Variants in DAB2IP observed in about 807,000 individuals in gnomAD.
DAB2IP encodes the protein DAB2 interacting protein.
In DAB2IP, 28 loss-of-function variants were observed where a neutral mutation model predicts 107.2. The ratio of observed to expected loss-of-function variants is 0.26; its 90% confidence interval spans 0.19 to 0.36. The LOEUF (loss-of-function observed/expected upper bound fraction) is 0.36, where lower values mean the gene tolerates loss of function less well. DAB2IP is among the 10% of genes least tolerant of loss of function. DAB2IP has a pLI of 1.00. For missense variants in DAB2IP, 1,400 were observed against 1,644.7 expected, an observed-to-expected ratio of 0.85 and a Z score of 2.57; for synonymous variants, 755 against 706.4, an observed-to-expected ratio of 1.07 and a Z score of -1.09.
At chr9:121,577,476 G>T (rs1830090778) in intron 1 of DAB2IP, among the ~76,000 whole-genome samples, 1 of 152,236 alleles carries the variant, frequency 6.6e-6, no homozygotes, top group Admixed American at 6.5e-5. Context: ...GTGGGCCTCT[G>T]TCTCGGCAGG....
intron 2 of DAB2IP, among the ~76,000 whole-genome samples, chr9:121,688,057 G>A (rs766437663): frequency 1.3e-5 from 2 of 152,070 alleles, no homozygotes; most frequent in African/African-American, 2.4e-5. Flanking sequence ...GACACCCCTG[G>A]GATAGGAGAG....
intron 1 of DAB2IP, among the ~76,000 whole-genome samples, chr9:121,596,003 A>G (rs1394172448): frequency 1.3e-5 from 2 of 152,068 alleles, no homozygotes; most frequent in African/African-American, 4.8e-5. Context: ...CCTGGCCAAC[A>G]TAGAGAGACC....
chr9:121,725,977 AC>A (rs1468074404), intron 3 of DAB2IP, among the ~76,000 whole-genome samples: 8 of 152,150 alleles, frequency 5.3e-5, no homozygotes, highest in African/African-American at 1.9e-4. Flanking sequence ...GGAAATATAT[AC>A]AGTATTTGGT....
chr9:121,615,918 G>A (rs1380846267), intron 1 of DAB2IP, among the ~76,000 whole-genome samples: 2 of 152,142 alleles, frequency 1.3e-5, no homozygotes, highest in Non-Finnish European at 2.9e-5. Context: ...GAGCCACTGT[G>A]CCCGGCCTCA....
chr9:121,633,223 A>G lies in DAB2IP; in HGVS notation c.41-45455A>G, dbSNP rs771507367. Among the ~76,000 whole-genome samples, 26 of 152,202 alleles carry G rather than the reference A, an allele frequency of 1.7e-4. No homozygotes were observed. Among genetic ancestry groups the G allele is most frequent in the Non-Finnish European group, 3.5e-4 (24 of 68,038 alleles). On this transcript the variant is annotated intron_variant, in intron 1 of 16. Transcript: ENST00000259371. The surrounding 1 kb of genome is among the most constrained non-coding windows in gnomAD (Gnocchi z 5.1). ...CGGGAAGGTTTGACATGAACAATAC[A>G]ATAAACGCAGCTTCTAAATTGGGTC... is the stretch of plus-strand genomic sequence containing the variant.
intron 1 of DAB2IP, among the ~76,000 whole-genome samples, chr9:121,666,509 C>T (rs1833434056): frequency 6.6e-6 from 1 of 151,934 alleles, no homozygotes; most frequent in Non-Finnish European, 1.5e-5. Context: ...TGTTCTCAAT[C>T]ATAAGTGAGA....
At chr9:121,756,056 C>T (rs1833454394) in intron 3 of DAB2IP, among the ~76,000 whole-genome samples, 1 of 152,202 alleles carries the variant, frequency 6.6e-6, no homozygotes. Flanking sequence ...GGCTCAGCTT[C>T]TGCACCAGAG....
Position 121,711,531 on chromosome 9 carries a change from G to C in DAB2IP, c.362+12073G>C, listed in dbSNP as rs1200270018. On this transcript the variant is annotated intron_variant, in intron 3 of 15. Transcript: ENST00000408936. ...CCCAGGAGCAGCTGTTAACATCTGT[G>C]GAGCAGTTGTATTTTGCAGAACATT... Among the ~76,000 whole-genome samples, 9 of 152,312 alleles carry C rather than the reference G, an allele frequency of 5.9e-5. No homozygotes were observed. The East Asian group carries it at 1.5e-3, about 26-fold the overall frequency.
chr9:121,773,573 C>T (rs1236112296), intron 12 of DAB2IP, 78 bp downstream of exon 12: 7 of 1,336,354 alleles, frequency 5.2e-6, no homozygotes, highest in Non-Finnish European at 6.7e-6. Flanking sequence ...CATGCTCCTC[C>T]TCTCGGTCAT....
At chr9:121,688,857 G>A (rs1022425551) in intron 2 of DAB2IP, among the ~76,000 whole-genome samples, 1 of 152,148 alleles carries the variant, frequency 6.6e-6, no homozygotes, top group Admixed American at 6.5e-5. Context: ...AGGGTGAGCC[G>A]TGACCTCTCC....
chr9:121,567,178 G>T (rs750089842), exon 1 of DAB2IP: 7 of 1,614,046 alleles, frequency 4.3e-6, no homozygotes, highest in Middle Eastern at 1.7e-4. Context: ...GGGGCTGGGG[G>T]CCCACACGCC....
chr9:121,597,151 G>A (rs1830547830), intron 1 of DAB2IP, among the ~76,000 whole-genome samples: 1 of 152,150 alleles, frequency 6.6e-6, no homozygotes, highest in Non-Finnish European at 1.5e-5. Context: ...ATAAACAGAA[G>A]TTTTGAATTT....
At chr9:121,612,202 C>G (rs1333489104) in intron 1 of DAB2IP, among the ~76,000 whole-genome samples, 1 of 151,882 alleles carries the variant, frequency 6.6e-6, no homozygotes, top group Admixed American at 6.6e-5. Context: ...CCTGTAGTCC[C>G]AGCTACTCTG....
exon 12 of DAB2IP, chr9:121,773,444 T>C: frequency 1.3e-6 from 2 of 1,544,428 alleles, no homozygotes; most frequent in East Asian, 2.3e-5. Flanking sequence ...AGCAGTCCTC[T>C]TCCTCCAAGG....
intron 1 of DAB2IP, among the ~76,000 whole-genome samples, chr9:121,587,614 GAA>G (rs368945381): frequency 0.012 from 1,054 of 87,884 alleles, 13 homozygotes; most frequent in African/African-American, 0.039. Context: ...GTCTCGAAAA[GAA>G]AAAAAAAAAA....
At position 121,736,282 on chromosome 9, in the gene DAB2IP, T is replaced by A. The variant is rs1169227513; in HGVS notation, c.363-20731T>A. On this transcript the variant is annotated intron_variant, in intron 3 of 15. Transcript: ENST00000408936. This position sits in a 1 kb window ranked among gnomAD's most constrained non-coding sequence, Gnocchi z 4.6. Reference sequence around the variant, plus strand: ...CCGGGGTGGGGCCAGCGGGCCAAACTGGAATGCGCCGCGAGAGCCGGGCCG... The same window carrying A: ...CCGGGGTGGGGCCAGCGGGCCAAACAGGAATGCGCCGCGAGAGCCGGGCCG... Among the ~76,000 whole-genome samples, 1 of 152,022 alleles carries A rather than the reference T, an allele frequency of 6.6e-6. No homozygotes were observed. Among genetic ancestry groups the A allele is most frequent in the Non-Finnish European group, 1.5e-5 (1 of 67,994 alleles).
chr9:121,602,034 C>T (rs915436242), intron 1 of DAB2IP, among the ~76,000 whole-genome samples: 17 of 152,074 alleles, frequency 1.1e-4, no homozygotes, highest in African/African-American at 3.1e-4. Flanking sequence ...TTAAACCACC[C>T]GCCACTCCCA....
exon 16 of DAB2IP, chr9:121,783,682 CGT>C (rs1246937568): frequency 8.4e-7 from 1 of 1,189,218 alleles, no homozygotes. Flanking sequence ...GCACCTGCCC[CGT>C]GTGTGTGGCC....
intron 1 of DAB2IP, among the ~76,000 whole-genome samples, chr9:121,621,853 C>G (rs1831479156): frequency 6.6e-6 from 1 of 151,232 alleles, no homozygotes; most frequent in African/African-American, 2.4e-5. Context: ...TGGGGTTTCA[C>G]CATATTGGCC....
Sources: gnomAD v4.1 joint callset for allele counts (sites outside exome capture counted in the v4.1 genomes callset) on GRCh38, gnomAD v4.1.1 for gene constraint, Gnocchi (gnomAD v3.1) non-coding constraint, MANE v1.5 for transcripts, NCBI Gene and HGNC (gene_info 2026-07-23, HGNC 2026-07-21) for gene names.